The following GPC6 variants were observed in gnomAD, a reference collection of about 807,000 sequenced individuals.
The protein encoded by GPC6 is glypican 6, also known as glypican-6.
A neutral mutation model predicts 55.2 loss-of-function variants in GPC6; 14 were observed. That is an observed-to-expected ratio of 0.25 (90% CI 0.17 to 0.40). The LOEUF (loss-of-function observed/expected upper bound fraction) is 0.40. Among genes scored for constraint, GPC6 ranks in the 10% least tolerant of loss-of-function variants. The pLI is 1.00. For missense variants in GPC6, 641 were observed against 708.5 expected, an observed-to-expected ratio of 0.90 and a Z score of 1.08; for synonymous variants, 278 against 259.6, an observed-to-expected ratio of 1.07 and a Z score of -0.68.
intron 4 of GPC6, among the ~76,000 whole-genome samples, chr13:94,233,628 C>A (rs1271394995): frequency 6.6e-6 from 1 of 152,162 alleles, no homozygotes; most frequent in Non-Finnish European, 1.5e-5. Flanking sequence ...TGTCTTCCCT[C>A]CCCTGGTGTG....
At chr13:93,266,910 A>G (rs1877343341) in intron 1 of GPC6, among the ~76,000 whole-genome samples, 1 of 152,210 alleles carries the variant, frequency 6.6e-6, no homozygotes. Flanking sequence ...CAAGAGGCAC[A>G]AAGAAATGAT....
intron 1 of GPC6, among the ~76,000 whole-genome samples, chr13:93,351,637 T>C (rs950227563): frequency 6.6e-6 from 1 of 152,176 alleles, no homozygotes; most frequent in Non-Finnish European, 1.5e-5. Context: ...AGATGATTGA[T>C]ATGCTAATTA....
chr13:93,477,238 G>T (rs1343776933), intron 1 of GPC6, among the ~76,000 whole-genome samples: 1 of 151,934 alleles, frequency 6.6e-6, no homozygotes, highest in East Asian at 1.9e-4. Context: ...TTTAATTTAG[G>T]AAGAAAAAAC....
chr13:93,479,101 C>G (rs1879403186), intron 1 of GPC6, among the ~76,000 whole-genome samples: 1 of 152,124 alleles, frequency 6.6e-6, no homozygotes, highest in South Asian at 2.1e-4. Flanking sequence ...CAGAATAAAG[C>G]TACATCTTTG....
chr13:93,305,547 T>G (rs1878827804), intron 1 of GPC6, among the ~76,000 whole-genome samples: 2 of 152,160 alleles, frequency 1.3e-5, no homozygotes, highest in Admixed American at 1.3e-4. Context: ...GCCAACTCTA[T>G]CCATGAAAGA....
intron 5 of GPC6, among the ~76,000 whole-genome samples, chr13:94,288,087 A>C (rs1436530353): frequency 6.6e-6 from 1 of 152,138 alleles, no homozygotes; most frequent in Non-Finnish European, 1.5e-5. Flanking sequence ...ACAGGAGTGA[A>C]TAAGGCACCA....
chr13:94,129,245 G>A (rs1886930156), intron 4 of GPC6, among the ~76,000 whole-genome samples: 1 of 152,090 alleles, frequency 6.6e-6, no homozygotes, highest in Admixed American at 6.6e-5. Flanking sequence ...AAACAGTAAT[G>A]GACAAACCAT....
At chr13:93,996,385 A>G (rs1298980326) in intron 3 of GPC6, among the ~76,000 whole-genome samples, 1 of 152,204 alleles carries the variant, frequency 6.6e-6, no homozygotes. Context: ...TTTATGTCAC[A>G]CACTGTCTTT....
intron 2 of GPC6, among the ~76,000 whole-genome samples, chr13:93,745,555 A>G (rs1425381980): frequency 6.6e-6 from 1 of 152,212 alleles, no homozygotes; most frequent in Non-Finnish European, 1.5e-5. Context: ...ATGGTTTGAC[A>G]TAACTACTTT....
At chr13:93,676,106 TAAAAAAAAAAA>T (rs760322815) in intron 2 of GPC6, among the ~76,000 whole-genome samples, 57 of 23,070 alleles carry the variant, frequency 2.5e-3, no homozygotes, top group South Asian at 8.5e-3. Flanking sequence ...CTGTTTCTAC[TAAAAAAAAAAA>T]AAAAAAAAAA....
chr13:93,920,811 TGCCTAAG>T (rs1469849059), intron 3 of GPC6, among the ~76,000 whole-genome samples: 4 of 152,208 alleles, frequency 2.6e-5, no homozygotes. Flanking sequence ...CTTCCTTACA[TGCCTAAG>T]TGCTTGTGGC....
chr13:93,478,833 C>T (rs1879395331), intron 1 of GPC6, among the ~76,000 whole-genome samples: 1 of 152,164 alleles, frequency 6.6e-6, no homozygotes, highest in African/African-American at 2.4e-5. Flanking sequence ...TTTACTGGTA[C>T]TTTAAAGGAC....
intron 4 of GPC6, among the ~76,000 whole-genome samples, chr13:94,105,339 A>G (rs1012953205): frequency 6.9e-5 from 7 of 101,898 alleles, no homozygotes; most frequent in Admixed American, 2.2e-4. Flanking sequence ...AGCCTGAACA[A>G]TAGAGCAAAT....
At chr13:94,283,224 A>T (rs1892437218) in intron 4 of GPC6, among the ~76,000 whole-genome samples, 1 of 152,178 alleles carries the variant, frequency 6.6e-6, no homozygotes, top group African/African-American at 2.4e-5. Flanking sequence ...AAGCTTTGTT[A>T]TGAGCTAATT....
chr13:94,267,870 C>A (rs1052632868), intron 4 of GPC6, among the ~76,000 whole-genome samples: 4 of 152,190 alleles, frequency 2.6e-5, no homozygotes, highest in African/African-American at 9.7e-5. Context: ...AATGAAGAGG[C>A]CTTCCCCCAT....
intron 3 of GPC6, among the ~76,000 whole-genome samples, chr13:94,013,906 G>T (rs1882351678): frequency 6.6e-6 from 1 of 152,188 alleles, no homozygotes; most frequent in Non-Finnish European, 1.5e-5. Flanking sequence ...GACTCAGAAA[G>T]TGCTGTCGTT....
intron 1 of GPC6, among the ~76,000 whole-genome samples, chr13:93,350,192 T>C (rs1880582480): frequency 2.6e-5 from 4 of 152,172 alleles, no homozygotes; most frequent in Admixed American, 2.6e-4. Flanking sequence ...CCCAGCACTT[T>C]GGAAGGCTAA....
intron 2 of GPC6, among the ~76,000 whole-genome samples, chr13:93,671,168 T>A (rs1367525781): frequency 6.6e-6 from 1 of 152,206 alleles, no homozygotes; most frequent in East Asian, 1.9e-4. Flanking sequence ...TCCACAATCA[T>A]GTGTTTGACA....
intron 1 of GPC6, among the ~76,000 whole-genome samples, chr13:93,478,132 A>C (rs1426474002): frequency 6.6e-6 from 1 of 152,164 alleles, no homozygotes; most frequent in Non-Finnish European, 1.5e-5. Context: ...TCTTTAGAAA[A>C]TTCAGCCTAG....
Sources: gnomAD v4.1 joint callset for allele counts (sites outside exome capture counted in the v4.1 genomes callset) on GRCh38, gnomAD v4.1.1 for gene constraint, MANE v1.5 for transcripts, NCBI Gene and HGNC (gene_info 2026-07-23, HGNC 2026-07-21) for gene names.